RSRC2: variants seen among roughly 807,000 people sequenced by gnomAD.
RSRC2 encodes the protein arginine/serine-rich coiled-coil protein 2.
In RSRC2, 5 loss-of-function variants were observed where a neutral mutation model predicts 61.3. The observed-to-expected ratio is 0.08, with a 90% confidence interval of 0.04 to 0.17. RSRC2 has a LOEUF of 0.17. RSRC2 is among the 10% of genes least tolerant of loss of function. The pLI is 1.00. For missense variants in RSRC2, 381 were observed against 518.8 expected, an observed-to-expected ratio of 0.73 and a Z score of 2.58; for synonymous variants, 202 against 166.5, an observed-to-expected ratio of 1.21 and a Z score of -1.64.
chr12:122,514,811 CAAAAA>C (rs11322682), intron 6 of RSRC2: 1 of 598,492 alleles, frequency 1.7e-6, no homozygotes. Flanking sequence ...ATTTAAGACT[CAAAAA>C]AAAAAAGTTT....
At chr12:122,518,418 C>A (rs1213128131) in intron 4 of RSRC2, among the ~76,000 whole-genome samples, 1 of 151,988 alleles carries the variant, frequency 6.6e-6, no homozygotes, top group Admixed American at 6.6e-5. Context: ...CATGGCGAAA[C>A]CTCATCTCTA....
At chr12:122,523,114 T>G (rs758079898) in intron 1 of RSRC2, 11 of 152,228 alleles carry the variant, frequency 7.2e-5, no homozygotes, top group Non-Finnish European at 1.5e-4. Flanking sequence ...TCTGTTTCTG[T>G]ATGGCCTTGA....
chr12:122,511,208 G>A lies in RSRC2; in HGVS notation c.726-20C>T, dbSNP rs1288974835. The A allele has an allele frequency of 1.9e-6, 3 of 1,550,314 alleles. No individual in the cohort carries two copies. Among genetic ancestry groups the A allele is most frequent in the East Asian group, 4.5e-5 (2 of 44,530 alleles). The stretch of plus-strand genomic sequence containing the variant: ...TCCAACCTGCAAAATTAATTTCAAT[G>A]AATTTAAAATAACACAATATAAAAC... On this transcript the variant is annotated intron_variant, in intron 6 of 9. Coordinates refer to ENST00000331738, the MANE Select transcript of RSRC2 (RefSeq NM_023012.6).
rs761266616 is a variant in RSRC2 at position 122,519,000 on chromosome 12, G to A, written c.237C>T (p.Ser79=). The A allele has an allele frequency of 6.8e-6, 11 of 1,613,448 alleles. No homozygotes were observed. The Admixed American group carries it at 1.8e-4, about 27-fold the overall frequency. Residue 79 remains serine, a synonymous_variant, in exon 4 of 10, where the codon TCC becomes TCT. Transcript: ENST00000331738. ...EGRRHESKDK[S]SKKHKSEEHN... ...GTTCCTCAGACTTATGTTTCTTAGA[G>A]GATTTATCTTTGGATTCATGTCTTC... is the stretch of plus-strand genomic sequence containing the variant.
At chr12:122,524,981 AG>A (rs1959856305) in intron 1 of RSRC2, among the ~76,000 whole-genome samples, 1 of 152,308 alleles carries the variant, frequency 6.6e-6, no homozygotes, top group African/African-American at 2.4e-5. Flanking sequence ...ACTGCGAAGG[AG>A]GTAAGCACTG....
In RSRC2 at chr12:122,504,479, T is replaced by G. The variant is rs1226971876; in HGVS notation, c.*1048A>C. The G allele has an allele frequency of 6.6e-6, 1 of 152,026 alleles. No homozygotes were observed. Among genetic ancestry groups the G allele is most frequent in the Admixed American group, 6.6e-5 (1 of 15,232 alleles). The allele number at this position is 152,026 out of a possible 1,614,324, so 9.4% of individuals were successfully genotyped here. On this transcript the variant is annotated 3_prime_UTR_variant, in exon 10 of 10. Coordinates refer to ENST00000331738, the MANE Select transcript of RSRC2 (RefSeq NM_023012.6). The stretch of plus-strand genomic sequence containing the variant: ...CCCACCTCTACTAAAAATACAAAAA[T>G]TAGCTGGGTGCGGTGGTACGCCTGT...
At chr12:122,519,190 TG>T in intron 3 of RSRC2, 161 bp from the exon 4 acceptor site, 2 of 580,472 alleles carry the variant, frequency 3.4e-6, no homozygotes. Context: ...ATGTTGCAGA[TG>T]TAATTACTAT....
Position 122,517,569 on chromosome 12 carries a change from A to AT in RSRC2, c.399-140dup, listed in dbSNP as rs563341930. 1.6e-4 allele frequency: 166 copies of AT among 1,038,256 alleles called. 1 individual carries two copies. In the African/African-American group the frequency reaches 2.6e-3, roughly 16 times the overall value. The allele number at this position is 1,038,256 out of a possible 1,614,324, so 64.3% of individuals were successfully genotyped here. ...TATATTATTTACAGAAATAAGCGAG[A>AT]TTTTCAAAGGAAATACTAACTGAAA... On this transcript the variant is annotated intron_variant, in intron 4 of 9. Transcript: ENST00000331738.
intron 1 of RSRC2, among the ~76,000 whole-genome samples, chr12:122,524,108 T>C (rs772312795): frequency 3.3e-5 from 5 of 152,182 alleles, no homozygotes; most frequent in Non-Finnish European, 7.3e-5. Flanking sequence ...AGTTCAACTT[T>C]CTCGTTTCAC....
At chr12:122,514,257 T>C (rs963639811) in intron 6 of RSRC2, among the ~76,000 whole-genome samples, 2 of 119,228 alleles carry the variant, frequency 1.7e-5, no homozygotes, top group Non-Finnish European at 4.0e-5. Context: ...TTTTTGTGTG[T>C]GTGTGTGTGT....
At chr12:122,506,795 T>G in intron 9 of RSRC2, 39 bp downstream of exon 9, 2 of 1,187,750 alleles carry the variant, frequency 1.7e-6, no homozygotes, top group Non-Finnish European at 2.5e-6. Flanking sequence ...GGAGGGCTAA[T>G]AGCTAATACA....
chr12:122,513,243 A>AT (rs1376913602), intron 6 of RSRC2, among the ~76,000 whole-genome samples: 8 of 48,202 alleles, frequency 1.7e-4, no homozygotes, highest in African/African-American at 3.4e-4. Flanking sequence ...AAATAAATAA[A>AT]TAAAATAAAA....
chr12:122,511,595 G>C (rs1303567672), intron 6 of RSRC2, among the ~76,000 whole-genome samples: 1 of 152,092 alleles, frequency 6.6e-6, no homozygotes, highest in African/African-American at 2.4e-5. Context: ...AAGACATTCG[G>C]ATAATTTTTT....
At chr12:122,519,698 T>C (rs908217334) in intron 3 of RSRC2, 6 of 152,482 alleles carry the variant, frequency 3.9e-5, no homozygotes, top group African/African-American at 1.4e-4. Context: ...TGTTTCAATT[T>C]TAAAGAAACC....
intron 3 of RSRC2, chr12:122,520,179 T>C (rs1251425232): frequency 9.7e-6 from 2 of 205,764 alleles, no homozygotes; most frequent in East Asian, 2.9e-4. Context: ...GCCAATCATT[T>C]TGGAACATGC....
Position 122,514,935 on chromosome 12 carries a change from A to C in RSRC2, c.725+170T>G, listed in dbSNP as rs530866193. The C allele has an allele frequency of 6.0e-5, 46 of 771,420 alleles. No individual in the cohort carries two copies. The East Asian group carries it at 1.2e-3, about 21-fold the overall frequency. The allele number at this position is 771,420 out of a possible 1,614,324, so 47.8% of individuals were successfully genotyped here. A position where few individuals can be genotyped will look rare whatever the true frequency, so the allele number is the denominator to read the frequency against. ...AGACATCTCAATCTTATAGTTGTGC[A>C]AATGTTTAGGATGAGAATTAAACTA... On this transcript the variant is annotated intron_variant, in intron 6 of 9. Coordinates refer to ENST00000331738, the MANE Select transcript of RSRC2 (RefSeq NM_023012.6).
At chr12:122,524,372 TTC>T (rs1354908134) in intron 1 of RSRC2, among the ~76,000 whole-genome samples, 3 of 152,216 alleles carry the variant, frequency 2.0e-5, no homozygotes, top group African/African-American at 7.2e-5. Context: ...CCGCTATTAC[TTC>T]TCTCAGTTGC....
In RSRC2 at chr12:122,505,493, C is replaced by CTA; in HGVS notation, c.*32_*33dup. ...AGGACGTGACATCAGAACAAGAAGT[C>CTA]TATAAGTCCCAAACTTTACAAGTGT... is the stretch of plus-strand genomic sequence containing the variant. On this transcript the variant is annotated 3_prime_UTR_variant, in exon 10 of 10. Coordinates refer to ENST00000331738, the MANE Select transcript of RSRC2 (RefSeq NM_023012.6). 1 of 1,598,598 alleles carries CTA rather than the reference C, an allele frequency of 6.3e-7. No individual in the cohort carries two copies. The highest frequency in any genetic ancestry group is 8.6e-7 in the Non-Finnish European group (1 of 1,169,032).
intron 9 of RSRC2, chr12:122,506,617 T>C: frequency 2.3e-6 from 1 of 444,128 alleles, no homozygotes; most frequent in Non-Finnish European, 4.0e-6. Flanking sequence ...AAACCCCGTC[T>C]CTCTCTCTCT....
Sources: gnomAD v4.1 joint callset for allele counts (sites outside exome capture counted in the v4.1 genomes callset) on GRCh38, gnomAD v4.1.1 for gene constraint, MANE v1.5 for transcripts, NCBI Gene and HGNC (gene_info 2026-07-23, HGNC 2026-07-21) for gene names.